ZFYVE16: variants seen among roughly 807,000 people sequenced by gnomAD.
ZFYVE16 encodes the protein zinc finger FYVE domain-containing protein 16.
In ZFYVE16, 89 loss-of-function variants were observed where a neutral mutation model predicts 138.1. That is an observed-to-expected ratio of 0.64 (90% CI 0.54 to 0.77). ZFYVE16 has a LOEUF of 0.77. Among genes scored for constraint, ZFYVE16 ranks in the 30% least tolerant of loss-of-function variants. The pLI, the probability that ZFYVE16 is intolerant of heterozygous loss-of-function variation, is 0.00. For missense variants in ZFYVE16, 1,793 were observed against 1,786.7 expected (o/e 1.00, Z -0.06); for synonymous variants, 596 against 618.3 (o/e 0.96, Z 0.53).
chr5:80,449,770 T>C, intron 9 of ZFYVE16, 57 bp downstream of exon 9: 4 of 1,502,168 alleles, frequency 2.7e-6, no homozygotes, highest in Non-Finnish European at 3.6e-6. Flanking sequence ...CTGAATTAAT[T>C]ACATCTTCAG....
At chr5:80,420,671 A>G (rs936634803) in intron 1 of ZFYVE16, among the ~76,000 whole-genome samples, 6 of 152,204 alleles carry the variant, frequency 3.9e-5, no homozygotes, top group African/African-American at 1.4e-4. Flanking sequence ...TATATATGCC[A>G]CATTTTCTTA....
rs868767419 is a variant in ZFYVE16, at chr5:80,432,110, A to G, written c.-39-1999A>G. ...TTTAAAGTTCATATGGAACCAAAAA[A>G]GGGCCCGCATTGCCAAGTCGATCCT... On this transcript the variant is annotated intron_variant, in intron 2 of 18. Coordinates refer to ENST00000505560, the MANE Select transcript of ZFYVE16 (RefSeq NM_001284236.3). 2.6e-5 allele frequency among the ~76,000 whole-genome samples: 4 copies of G among 152,306 alleles called. No individual in the cohort carries two copies. In the East Asian group the frequency reaches 7.7e-4, roughly 29 times the overall value.
chr5:80,480,505 C>G lies in ZFYVE16; in HGVS notation c.*3128C>G, dbSNP rs935995900. 6.6e-6 allele frequency among the ~76,000 whole-genome samples: 1 copy of G among 151,812 alleles called. No individual in the cohort carries two copies. Among genetic ancestry groups the G allele is most frequent in the Non-Finnish European group, 1.5e-5 (1 of 67,952 alleles). The stretch of plus-strand genomic sequence containing the variant: ...GCTTCATTAGCTGTGAGAGGAGAGG[C>G]AAGAATAGGACAGAGCAAATACTTA... On this transcript the variant is annotated 3_prime_UTR_variant, in exon 19 of 19. Coordinates refer to ENST00000505560, the MANE Select transcript of ZFYVE16 (RefSeq NM_001284236.3).
intron 1 of ZFYVE16, among the ~76,000 whole-genome samples, chr5:80,419,921 C>T (rs1446441510): frequency 3.3e-5 from 5 of 149,546 alleles, no homozygotes; most frequent in African/African-American, 1.2e-4. Context: ...AAGCGATTCT[C>T]CTGCCTCAGC....
At chr5:80,452,385 GATCATGCCTCTGC>G (rs980992304) in intron 11 of ZFYVE16, 1 of 118,376 alleles carries the variant, frequency 8.4e-6, no homozygotes, top group African/African-American at 3.2e-5. Context: ...AGTGAGCTAA[GATCATGCCTCTGC>G]ATTCCAGCCA....
chr5:80,417,088 A>G (rs1255863338), intron 1 of ZFYVE16, among the ~76,000 whole-genome samples: 3 of 152,216 alleles, frequency 2.0e-5, no homozygotes, highest in African/African-American at 7.2e-5. Context: ...ACAGGGAGAA[A>G]CTTGGCTTCC....
rs138246840 is a variant in ZFYVE16 at position 80,436,831 on chromosome 5, C to T, written c.146C>T (p.Ser49Phe). ...TGCTCAGTTTCTTCAGAGTTGGCTT[C>T]CTCACAGCGAACTTCATTGCTCCCA... Reference protein sequence around the residue: ...NHCSVSSELASSQRTSLLPKD... With the variant: ...NHCSVSSELAFSQRTSLLPKD... The change falls in exon 4 of 19, where the codon TCC becomes TTC. Residue 49 changes from serine to phenylalanine, a missense_variant. This residue lies in a region of ZFYVE16 where 1,295 missense variants were observed against 1,204.3 expected (regional missense o/e 1.08). Transcript: ENST00000505560. 2.1e-5 allele frequency: 34 copies of T among 1,614,030 alleles called. No individual in the cohort carries two copies. The African/African-American group carries it at 4.0e-4, about 19-fold the overall frequency.
At chr5:80,426,517 C>T (rs1292303004) in intron 1 of ZFYVE16, among the ~76,000 whole-genome samples, 1 of 151,152 alleles carries the variant, frequency 6.6e-6, no homozygotes. Context: ...TCATTGTTCA[C>T]CTCCCACTTA....
chr5:80,450,123 A>G (rs1370534380), intron 9 of ZFYVE16, among the ~76,000 whole-genome samples: 1 of 152,194 alleles, frequency 6.6e-6, no homozygotes, highest in Non-Finnish European at 1.5e-5. Context: ...AATCATTAAT[A>G]ATTAATAATC....
In ZFYVE16 at chr5:80,473,422, G is replaced by A. The variant is rs553894880; in HGVS notation, c.4188-332G>A. 1.1e-4 allele frequency among the ~76,000 whole-genome samples: 17 copies of A among 152,226 alleles called. No homozygotes were observed. The South Asian group carries it at 3.3e-3, about 30-fold the overall frequency. On this transcript the variant is annotated intron_variant, in intron 16 of 18. Transcript: ENST00000505560. ...TTTGAGATTGGCTAAGGGGTCTGGA[G>A]CAAAGAAGGAAAAAGAGGGCTGAAG...
At chr5:80,457,237 G>T in intron 14 of ZFYVE16, 145 bp downstream of exon 14, 2 of 1,243,430 alleles carry the variant, frequency 1.6e-6, no homozygotes, top group Non-Finnish European at 2.2e-6. Context: ...CTACACAACA[G>T]ATTTTAAAAT....
At chr5:80,439,104 T>A in intron 4 of ZFYVE16, 97 bp downstream of exon 4, 2 of 1,249,240 alleles carry the variant, frequency 1.6e-6, no homozygotes, top group Non-Finnish European at 1.1e-6. Context: ...AATTACAAGA[T>A]TGAGTTAGTT....
intron 1 of ZFYVE16, among the ~76,000 whole-genome samples, chr5:80,424,609 G>A (rs1747727250): frequency 2.0e-5 from 3 of 151,648 alleles, no homozygotes; most frequent in Non-Finnish European, 4.4e-5. Flanking sequence ...TTGCAGGCAT[G>A]CACCACTATG....
At position 80,439,027 on chromosome 5, in the gene ZFYVE16, T is replaced by TTA; in HGVS notation, c.2322+20_2322+21insTA. The stretch of plus-strand genomic sequence containing the variant: ...GGGAAAGTAAGTTATAAAAATCTTT[T>TTA]AAGTCTTTTGTTCTTTTGAGACATT... On this transcript the variant is annotated intron_variant, in intron 4 of 18. Transcript: ENST00000505560. 1 of 1,585,662 alleles carries TTA rather than the reference T, an allele frequency of 6.3e-7. No homozygotes were observed. Among genetic ancestry groups the TTA allele is most frequent in the Non-Finnish European group, 8.6e-7 (1 of 1,167,304 alleles).
At chr5:80,471,723 G>A (rs1754400525) in intron 15 of ZFYVE16, among the ~76,000 whole-genome samples, 1 of 152,214 alleles carries the variant, frequency 6.6e-6, no homozygotes, top group African/African-American at 2.4e-5. Context: ...TCCCGCAATA[G>A]TTATATGCTT....
Position 80,451,681 on chromosome 5 carries a change from A to C in ZFYVE16, c.3579A>C (p.Leu1193Phe). The C allele has an allele frequency of 6.2e-7, 1 of 1,613,770 alleles. No individual in the cohort carries two copies. The highest frequency in any genetic ancestry group is 1.7e-4 in the Middle Eastern group (1 of 6,058). Residue 1193 changes from leucine (L) to phenylalanine (F), a missense_variant, in exon 11 of 19, where the codon TTA becomes TTC. Leu to Phe is a conservative substitution (Grantham distance 22, BLOSUM62 0). Coordinates refer to ENST00000505560, the MANE Select transcript of ZFYVE16 (RefSeq NM_001284236.3). The part of the protein sequence containing the change: ...IPWAKVFPMR[L>F]MLRLGAEYKA... ...GGGCAAAGGTTTTTCCTATGCGTTT[A>C]ATGTTGAGATTGGGTGCAGAATATA... is the stretch of plus-strand genomic sequence containing the variant.
rs1269433093 is a variant in ZFYVE16 at position 80,421,067 on chromosome 5, T to C, written c.-93-6425T>C. Among the ~76,000 whole-genome samples the C allele has an allele frequency of 2.6e-5, 4 of 152,384 alleles. No homozygotes were observed. In the South Asian group the frequency reaches 6.2e-4, roughly 24 times the overall value. On this transcript the variant is annotated intron_variant, in intron 1 of 18. Transcript: ENST00000505560. ...GCCAGTGATGATGAGCATTTTTTCA[T>C]GTGTTTTTTGGCTACATAAATGTCT...
At chr5:80,440,310 A>G (rs1054994137) in intron 5 of ZFYVE16, 34 of 1,066,314 alleles carry the variant, frequency 3.2e-5, no homozygotes, top group East Asian at 2.1e-4. Flanking sequence ...TCATCTGCCT[A>G]TTTGTTTTTG....
Position 80,450,442 on chromosome 5 carries a change from A to C in ZFYVE16, c.3238A>C (p.Lys1080Gln). 1 of 1,613,356 alleles carries C rather than the reference A, an allele frequency of 6.2e-7. No homozygotes were observed. Among genetic ancestry groups the C allele is most frequent in the Non-Finnish European group, 8.5e-7 (1 of 1,179,578 alleles). ...NVKFIFYSSDKYWYFSTNGLH... is the reference protein window; with the variant it reads ...NVKFIFYSSDQYWYFSTNGLH... The stretch of plus-strand genomic sequence containing the variant: ...TTTTATCATCTAAGATTCCTCAGAC[A>C]AATATTGGTACTTTTCAACCAATGG... Residue 1080 changes from lysine to glutamine, a missense_variant, in exon 10 of 19, where the codon AAA (lysine) becomes CAA (glutamine). Around this residue, in one of 2 missense-constraint regions of ZFYVE16, gnomAD observed 498 missense variants for 582.4 expected, o/e 0.86. Coordinates refer to ENST00000505560, the MANE Select transcript of ZFYVE16 (RefSeq NM_001284236.3).
Sources: gnomAD v4.1 joint callset for allele counts (sites outside exome capture counted in the v4.1 genomes callset) on GRCh38, gnomAD v4.1.1 for gene constraint, gnomAD v4.1.1 regional missense constraint, MANE v1.5 for transcripts, NCBI Gene and HGNC (gene_info 2026-07-23, HGNC 2026-07-21) for gene names.